Variants in GALNT13 observed in about 807,000 individuals in gnomAD.
GALNT13 encodes the protein UDP-GalNAc:polypeptide N-acetylgalactosaminyltransferase 13.
A neutral mutation model predicts 64.2 loss-of-function variants in GALNT13; 28 were observed. That is an observed-to-expected ratio of 0.44 (90% CI 0.32 to 0.60). The LOEUF (loss-of-function observed/expected upper bound fraction) is 0.60. Among genes scored for constraint, GALNT13 ranks in the 20% least tolerant of loss-of-function variants. The probability of loss-of-function intolerance (pLI) is 0.05; values close to 1 mark genes in which losing one functional copy is unlikely to be tolerated. For synonymous variants in GALNT13, 214 were observed against 224.6 expected (o/e 0.95, Z 0.42); for missense variants, 577 against 669.8 (o/e 0.86, Z 1.53).
At chr2:153,106,250 T>C in the GALNT13 span, among the ~76,000 whole-genome samples, 3 of 152,314 alleles carry the variant, frequency 2.0e-5, no homozygotes, top group Non-Finnish European at 4.4e-5. Flanking sequence ...CAAAAAATTA[T>C]GATAAATTAT....
At chr2:153,429,886 C>G in the GALNT13 span, among the ~76,000 whole-genome samples, 37 of 152,178 alleles carry the variant, frequency 2.4e-4, no homozygotes, top group African/African-American at 8.7e-4. Context: ...GGGCAGTAAG[C>G]ACTTAATATT....
chr2:153,953,434 CATT>C (rs933155703), intron 3 of GALNT13, among the ~76,000 whole-genome samples: 3 of 151,588 alleles, frequency 2.0e-5, no homozygotes, highest in Admixed American at 6.6e-5. Flanking sequence ...GTAAAGTTGG[CATT>C]ATTATTATTA....
chr2:153,156,260 G>A, the GALNT13 span, among the ~76,000 whole-genome samples: 11 of 152,082 alleles, frequency 7.2e-5, no homozygotes, highest in East Asian at 1.2e-3. Context: ...CAGTTGATGC[G>A]GCCACAGCAC....
chr2:153,864,678 GA>G, the GALNT13 span, among the ~76,000 whole-genome samples: 1 of 151,810 alleles, frequency 6.6e-6, no homozygotes, highest in Non-Finnish European at 1.5e-5. Flanking sequence ...ACAAATGGAA[GA>G]ACATTCCATG....
chr2:153,809,035 C>A, the GALNT13 span, among the ~76,000 whole-genome samples: 1 of 152,160 alleles, frequency 6.6e-6, no homozygotes, highest in African/African-American at 2.4e-5. Context: ...GCTAAGCATT[C>A]CTATTATATT....
chr2:153,218,420 A>AG, the GALNT13 span, among the ~76,000 whole-genome samples: 1 of 152,022 alleles, frequency 6.6e-6, no homozygotes, highest in East Asian at 1.9e-4. Flanking sequence ...AGTCGTTAAG[A>AG]GGTTTTTCCT....
intron 11 of GALNT13, among the ~76,000 whole-genome samples, chr2:154,415,318 A>G (rs1484847864): frequency 6.6e-6 from 1 of 152,094 alleles, no homozygotes; most frequent in Non-Finnish European, 1.5e-5. Flanking sequence ...AAATAGCCCC[A>G]TACACATTGT....
intron 12 of GALNT13, among the ~76,000 whole-genome samples, chr2:154,439,250 T>G (rs1701159046): frequency 6.6e-6 from 1 of 152,144 alleles, no homozygotes; most frequent in African/African-American, 2.4e-5. Context: ...CTTCTCAATA[T>G]AGCACACCTT....
the GALNT13 span, among the ~76,000 whole-genome samples, chr2:153,245,115 C>G: frequency 1.3e-5 from 2 of 152,226 alleles, no homozygotes; most frequent in South Asian, 4.1e-4. Context: ...TGCAGCAGCC[C>G]CAGTCAGGGG....
the GALNT13 span, among the ~76,000 whole-genome samples, chr2:153,524,460 A>C: frequency 6.6e-6 from 1 of 152,016 alleles, no homozygotes. Flanking sequence ...ATGAGCACTC[A>C]CAGTGCATGG....
At chr2:153,612,346 C>A in the GALNT13 span, among the ~76,000 whole-genome samples, 1 of 151,992 alleles carries the variant, frequency 6.6e-6, no homozygotes, top group Admixed American at 6.6e-5. Flanking sequence ...GGGTATATAA[C>A]CAAAGGATAT....
chr2:153,544,224 C>T, the GALNT13 span, among the ~76,000 whole-genome samples: 2 of 152,132 alleles, frequency 1.3e-5, no homozygotes, highest in Non-Finnish European at 2.9e-5. Flanking sequence ...ACTGAATATA[C>T]GGTTGCTGCA....
the GALNT13 span, among the ~76,000 whole-genome samples, chr2:153,688,201 A>G: frequency 6.6e-6 from 1 of 151,982 alleles, no homozygotes; most frequent in Non-Finnish European, 1.5e-5. Context: ...GCTATAAACT[A>G]CAGTGGCAAA....
At chr2:153,187,260 T>A in the GALNT13 span, among the ~76,000 whole-genome samples, 1 of 152,046 alleles carries the variant, frequency 6.6e-6, no homozygotes, top group African/African-American at 2.4e-5. Context: ...TTTTTCTGAG[T>A]TTCTTGTGAA....
chr2:154,370,436 G>C (rs1383964394), intron 9 of GALNT13, among the ~76,000 whole-genome samples: 2 of 152,150 alleles, frequency 1.3e-5, no homozygotes, highest in African/African-American at 4.8e-5. Context: ...AAAATAACTT[G>C]GGTGAGGACA....
chr2:153,877,387 C>G (rs1686452595), intron 1 of GALNT13, among the ~76,000 whole-genome samples: 1 of 152,074 alleles, frequency 6.6e-6, no homozygotes, highest in East Asian at 1.9e-4. Flanking sequence ...CTTGTTGACA[C>G]ATTGGTGAAC....
the GALNT13 span, among the ~76,000 whole-genome samples, chr2:153,407,339 G>A: frequency 6.6e-6 from 1 of 152,156 alleles, no homozygotes; most frequent in Non-Finnish European, 1.5e-5. Flanking sequence ...AGGCATTAGT[G>A]ACATAAAAAT....
chr2:153,804,426 A>G, the GALNT13 span, among the ~76,000 whole-genome samples: 7 of 152,268 alleles, frequency 4.6e-5, no homozygotes, highest in Admixed American at 4.6e-4. Context: ...ATCCTCCCAC[A>G]TCAGCATTCC....
Position 154,390,396 on chromosome 2 carries a change from T to C in GALNT13, c.1157-5595T>C, listed in dbSNP as rs115554706. Among the ~76,000 whole-genome samples, 968 of 152,246 alleles carry C rather than the reference T, an allele frequency of 6.4e-3. 13 individuals are homozygous for C. The highest frequency in any genetic ancestry group is 0.043 in the South Asian group (209 of 4,826). On this transcript the variant is annotated intron_variant, in intron 9 of 12. Transcript: ENST00000392825. ...TCTCCTCCCACCCTCCATCCTCCAA[T>C]AGACTACAGTGTGTATTGTTCCCCT...
Sources: allele counts gnomAD v4.1 joint callset (sites outside exome capture counted in the v4.1 genomes callset), GRCh38; gene constraint gnomAD v4.1.1; transcripts MANE v1.5; gene names NCBI Gene and HGNC (gene_info 2026-07-23, HGNC 2026-07-21).